Variants in EPHA6 observed in about 807,000 individuals in gnomAD.
The protein encoded by EPHA6 is EPH receptor A6.
EPHA6 carries 50 observed loss-of-function variants against 112.0 expected under a neutral mutation model. That is an observed-to-expected ratio of 0.45 (90% CI 0.36 to 0.56). EPHA6 has a LOEUF of 0.56. EPHA6 is among the 20% of genes least tolerant of loss of function. The pLI is 0.00. For synonymous variants in EPHA6, 529 were observed against 490.7 expected (o/e 1.08, Z -1.03); for missense variants, 1,280 against 1,417.4 (o/e 0.90, Z 1.56).
chr3:97,736,716 G>A (rs2087070), intron 16 of EPHA6, among the ~76,000 whole-genome samples: 30,988 of 151,482 alleles, frequency 0.2, 3,644 homozygotes, highest in East Asian at 0.38. Context: ...ACACCATTTT[G>A]TAAAAGTCAG....
chr3:97,239,475 G>A (rs2078780055), intron 4 of EPHA6, among the ~76,000 whole-genome samples: 1 of 151,794 alleles, frequency 6.6e-6, no homozygotes, highest in Admixed American at 6.6e-5. Context: ...TGAACAGAAA[G>A]TGTAATTAGA....
chr3:97,748,483 G>A (rs1208557457), intron 17 of EPHA6, 104 bp from the exon 18 acceptor site: 8 of 672,836 alleles, frequency 1.2e-5, no homozygotes, highest in Non-Finnish European at 8.2e-6. Context: ...ACTTTATCTT[G>A]CATGCTTATT....
intron 11 of EPHA6, among the ~76,000 whole-genome samples, chr3:97,576,533 A>AT (rs1560153959): frequency 1.3e-5 from 2 of 152,132 alleles, no homozygotes; most frequent in Admixed American, 6.5e-5. Flanking sequence ...GTTAGTGATT[A>AT]TTTTTTGTCC....
intron 11 of EPHA6, among the ~76,000 whole-genome samples, chr3:97,560,005 A>C (rs1188228994): frequency 6.6e-6 from 1 of 151,950 alleles, no homozygotes; most frequent in East Asian, 1.9e-4. Flanking sequence ...TACTGCATCC[A>C]TAAAATAAGA....
chr3:97,653,086 T>C (rs2094117489), intron 14 of EPHA6, among the ~76,000 whole-genome samples: 2 of 152,084 alleles, frequency 1.3e-5, no homozygotes, highest in South Asian at 4.1e-4. Context: ...CATATATTCT[T>C]AATATTATAA....
At chr3:97,077,828 A>G (rs770611832) in intron 3 of EPHA6, among the ~76,000 whole-genome samples, 5 of 152,032 alleles carry the variant, frequency 3.3e-5, no homozygotes, top group Admixed American at 6.5e-5. Context: ...AGTCTTTGCT[A>G]TTGTCAATAG....
At chr3:97,324,592 G>T (rs2082329968) in intron 5 of EPHA6, among the ~76,000 whole-genome samples, 2 of 150,960 alleles carry the variant, frequency 1.3e-5, no homozygotes, top group African/African-American at 4.9e-5. Context: ...AGGCTGGAGT[G>T]CAATAGTATG....
chr3:97,592,599 T>C lies in EPHA6; in HGVS notation c.2387-13T>C, dbSNP rs780818185. Reference sequence around the variant, plus strand: ...GAAGACTTTGATTAATGTCAATTTTTATCTCTTAAAAGGATCCTTCCCGGC... The same window carrying C: ...GAAGACTTTGATTAATGTCAATTTTCATCTCTTAAAAGGATCCTTCCCGGC... On this transcript the variant is annotated splice_polypyrimidine_tract_variant and intron_variant, in intron 11 of 17. Transcript: ENST00000389672. 6.2e-7 allele frequency: 1 copy of C among 1,612,986 alleles called. No homozygotes were observed. The highest frequency in any genetic ancestry group is 8.5e-7 in the Non-Finnish European group (1 of 1,179,418).
chr3:97,544,903 T>A (rs947850375), intron 11 of EPHA6, among the ~76,000 whole-genome samples: 1 of 152,244 alleles, frequency 6.6e-6, no homozygotes, highest in East Asian at 1.9e-4. Flanking sequence ...TATTCTCTGA[T>A]GGTAGTTTGT....
At chr3:97,124,714 A>G (rs1289942355) in intron 3 of EPHA6, among the ~76,000 whole-genome samples, 1 of 152,152 alleles carries the variant, frequency 6.6e-6, no homozygotes, top group Non-Finnish European at 1.5e-5. Flanking sequence ...GCTTCTAGAT[A>G]TAGAAAAATG....
At chr3:97,040,124 A>G (rs1464189020) in intron 3 of EPHA6, among the ~76,000 whole-genome samples, 1 of 151,448 alleles carries the variant, frequency 6.6e-6, no homozygotes, top group Non-Finnish European at 1.5e-5. Flanking sequence ...TATAATAATG[A>G]TAGTAATTTT....
At chr3:97,146,672 A>G (rs562472334) in intron 3 of EPHA6, among the ~76,000 whole-genome samples, 3 of 152,052 alleles carry the variant, frequency 2.0e-5, no homozygotes, top group African/African-American at 7.2e-5. Context: ...AAAATTTTTC[A>G]TGTTCAATTT....
intron 3 of EPHA6, among the ~76,000 whole-genome samples, chr3:97,212,378 C>T (rs537971738): frequency 1.8e-4 from 28 of 152,012 alleles, no homozygotes; most frequent in Middle Eastern, 3.4e-3. Context: ...AAAGGGTGAT[C>T]AATATTTATA....
At chr3:97,580,316 A>C (rs1022638540) in intron 11 of EPHA6, among the ~76,000 whole-genome samples, 7 of 152,210 alleles carry the variant, frequency 4.6e-5, no homozygotes, top group African/African-American at 1.2e-4. Flanking sequence ...AAACTACTCA[A>C]ATTTACATCC....
At chr3:96,887,283 C>G (rs943294123) in intron 2 of EPHA6, among the ~76,000 whole-genome samples, 1 of 152,094 alleles carries the variant, frequency 6.6e-6, no homozygotes, top group Non-Finnish European at 1.5e-5. Flanking sequence ...ATGGGGTGTT[C>G]CCTTGATGTA....
chr3:97,586,084 T>C (rs1179149562), intron 11 of EPHA6, among the ~76,000 whole-genome samples: 1 of 152,128 alleles, frequency 6.6e-6, no homozygotes, highest in South Asian at 2.1e-4. Context: ...CCTAGCAAAA[T>C]ATTTGCTTAA....
At chr3:97,268,295 C>A (rs1365325811) in intron 5 of EPHA6, among the ~76,000 whole-genome samples, 1 of 152,144 alleles carries the variant, frequency 6.6e-6, no homozygotes, top group Admixed American at 6.5e-5. Flanking sequence ...TCTCTAACTG[C>A]AAGGCAGGCT....
chr3:97,285,298 G>C (rs142373167), intron 5 of EPHA6, among the ~76,000 whole-genome samples: 1 of 152,100 alleles, frequency 6.6e-6, no homozygotes, highest in Non-Finnish European at 1.5e-5. Flanking sequence ...TGTGATAAAT[G>C]TAACTATCAA....
intron 3 of EPHA6, among the ~76,000 whole-genome samples, chr3:97,026,895 C>G (rs557599150): frequency 6.6e-6 from 1 of 152,070 alleles, no homozygotes; most frequent in Non-Finnish European, 1.5e-5. Flanking sequence ...CTTCAAAGAC[C>G]TAAAGACAAA....
Sources: gnomAD v4.1 joint callset for allele counts (sites outside exome capture counted in the v4.1 genomes callset) on GRCh38, gnomAD v4.1.1 for gene constraint, MANE v1.5 for transcripts, NCBI Gene and HGNC (gene_info 2026-07-23, HGNC 2026-07-21) for gene names.